The following CADM2 variants were observed in gnomAD, a reference collection of about 807,000 sequenced individuals.
CADM2 encodes the protein immunoglobulin superfamily member 4D.
A neutral mutation model predicts 49.8 loss-of-function variants in CADM2; 12 were observed. The ratio of observed to expected loss-of-function variants is 0.24; its 90% CI spans 0.15 to 0.39. The LOEUF is 0.39. Ranked by LOEUF, CADM2 falls within the 10% of genes least tolerant of loss-of-function variation. The pLI, the probability that CADM2 is intolerant of heterozygous loss-of-function variation, is 1.00. For missense variants in CADM2, 378 were observed against 492.3 expected, an observed-to-expected ratio of 0.77 and a Z score of 2.20; for synonymous variants, 214 against 175.4, an observed-to-expected ratio of 1.22 and a Z score of -1.74.
intron 1 of CADM2, among the ~76,000 whole-genome samples, chr3:85,252,746 A>G (rs1418135834): frequency 6.6e-6 from 1 of 151,956 alleles, no homozygotes; most frequent in Non-Finnish European, 1.5e-5. Flanking sequence ...CACTGGAGAT[A>G]ATTTTATAGC....
chr3:85,117,151 G>A (rs901378948), intron 1 of CADM2, among the ~76,000 whole-genome samples: 1 of 152,104 alleles, frequency 6.6e-6, no homozygotes, highest in African/African-American at 2.4e-5. Flanking sequence ...AACCCGGGAG[G>A]TGGAGGTTGC....
intron 1 of CADM2, among the ~76,000 whole-genome samples, chr3:85,488,348 T>A (rs2107641026): frequency 6.6e-6 from 1 of 152,220 alleles, no homozygotes; most frequent in South Asian, 2.1e-4. Flanking sequence ...AAATCTAGGT[T>A]ACAGATTTGA....
Position 85,040,959 on chromosome 3 carries a change from T to C in CADM2, c.61+81291T>C, listed in dbSNP as rs148135083. 3.0e-3 allele frequency among the ~76,000 whole-genome samples: 460 copies of C among 152,298 alleles called. 1 individual carries two copies. Among genetic ancestry groups the C allele is most frequent in the Non-Finnish European group, 5.0e-3 (339 of 68,018 alleles). Reference sequence around the variant, plus strand: ...AATATCAGATTTAAATACAGTATCATATTTTAATCTATTTTTGCCTTTGTC... The same window carrying C: ...AATATCAGATTTAAATACAGTATCACATTTTAATCTATTTTTGCCTTTGTC... On this transcript the variant is annotated intron_variant, in intron 1 of 9. Coordinates refer to ENST00000383699, the MANE Select transcript of CADM2 (RefSeq NM_001167675.2).
intron 1 of CADM2, among the ~76,000 whole-genome samples, chr3:85,304,056 A>G (rs1232037597): frequency 6.6e-6 from 1 of 151,890 alleles, no homozygotes; most frequent in Non-Finnish European, 1.5e-5. Context: ...TTAAAGACAC[A>G]AATATTAAGA....
chr3:85,364,000 AT>A (rs2032557198), intron 1 of CADM2, among the ~76,000 whole-genome samples: 1 of 152,184 alleles, frequency 6.6e-6, no homozygotes, highest in Non-Finnish European at 1.5e-5. Flanking sequence ...GCATTACCTT[AT>A]CATTATAATA....
intron 1 of CADM2, among the ~76,000 whole-genome samples, chr3:85,259,637 T>A (rs562669010): frequency 1.3e-5 from 2 of 152,250 alleles, no homozygotes; most frequent in East Asian, 3.9e-4. Flanking sequence ...TACATTGCTT[T>A]TGAGCAATTT....
At chr3:85,817,839 CTT>C (rs1195061427) in intron 3 of CADM2, among the ~76,000 whole-genome samples, 1 of 151,736 alleles carries the variant, frequency 6.6e-6, no homozygotes, top group Middle Eastern at 3.2e-3. Context: ...ACAAAAAAAC[CTT>C]CTTGAGGACA....
chr3:85,238,489 A>T (rs769134655), intron 1 of CADM2, among the ~76,000 whole-genome samples: 30 of 152,066 alleles, frequency 2.0e-4, no homozygotes, highest in Middle Eastern at 6.8e-3. Context: ...GAGGTTAGAA[A>T]AGTAAAGATA....
At chr3:85,367,965 T>G (rs368377469) in intron 1 of CADM2, among the ~76,000 whole-genome samples, 7 of 152,170 alleles carry the variant, frequency 4.6e-5, no homozygotes, top group African/African-American at 1.7e-4. Context: ...AGAATTGGAA[T>G]AGTATATTCT....
chr3:85,150,054 C>T (rs913739852), intron 1 of CADM2, among the ~76,000 whole-genome samples: 5 of 152,198 alleles, frequency 3.3e-5, no homozygotes, highest in African/African-American at 1.2e-4. Context: ...CTTAATTTCT[C>T]ACTTCAGTTG....
intron 1 of CADM2, among the ~76,000 whole-genome samples, chr3:85,354,618 CAGAGAGAG>C: frequency 7.7e-6 from 1 of 130,250 alleles, no homozygotes; most frequent in African/African-American, 2.8e-5. Flanking sequence ...GAATACCTAA[CAGAGAGAG>C]AGAGAGAGAG....
At chr3:85,328,178 A>C (rs571263970) in intron 1 of CADM2, among the ~76,000 whole-genome samples, 1 of 152,310 alleles carries the variant, frequency 6.6e-6, no homozygotes, top group Non-Finnish European at 1.5e-5. Context: ...TGAAACCCTT[A>C]GTGTTTAATA....
intron 1 of CADM2, among the ~76,000 whole-genome samples, chr3:85,193,577 C>T (rs1177813777): frequency 6.6e-6 from 1 of 151,996 alleles, no homozygotes; most frequent in Non-Finnish European, 1.5e-5. Flanking sequence ...GATCCTCACT[C>T]CTCACCCTCT....
chr3:85,732,000 C>T (rs1437672540), intron 2 of CADM2, among the ~76,000 whole-genome samples: 1 of 146,610 alleles, frequency 6.8e-6, no homozygotes, highest in Non-Finnish European at 1.5e-5. Flanking sequence ...GTGATCCCAG[C>T]AGTTTTGGAG....
intron 1 of CADM2, among the ~76,000 whole-genome samples, chr3:85,504,777 G>A (rs1275343433): frequency 6.6e-6 from 1 of 152,194 alleles, no homozygotes; most frequent in Admixed American, 6.5e-5. Flanking sequence ...CGGAGGGGGT[G>A]GGAGGCTCAG....
At chr3:85,571,443 C>T (rs559664900) in intron 1 of CADM2, among the ~76,000 whole-genome samples, 61 of 151,482 alleles carry the variant, frequency 4.0e-4, no homozygotes, top group Admixed American at 8.5e-4. Context: ...GCAGGCCACT[C>T]ATTTATGAAA....
rs1739420156 is a variant in CADM2 at position 86,067,111 on chromosome 3, T to G, written c.*328T>G. ...TGGTTTTTATACATTAAAAAATGTATGCAGAGTTTTTTTCCCCCATTTTTT... is the reference window on the plus strand; with the variant it reads ...TGGTTTTTATACATTAAAAAATGTAGGCAGAGTTTTTTTCCCCCATTTTTT... On this transcript the variant is annotated 3_prime_UTR_variant, in exon 10 of 10. Transcript: ENST00000383699. 1 of 204,134 alleles carries G rather than the reference T, an allele frequency of 4.9e-6. No individual in the cohort carries two copies. The highest frequency in any genetic ancestry group is 2.3e-5 in the African/African-American group (1 of 43,002). 12.6% of individuals were successfully genotyped at this position (204,134 alleles called of 1,614,324 possible). A position where few individuals can be genotyped will look rare whatever the true frequency, so the allele number is the denominator to read the frequency against.
At chr3:85,035,434 C>T (rs917172655) in intron 1 of CADM2, among the ~76,000 whole-genome samples, 1 of 152,120 alleles carries the variant, frequency 6.6e-6, no homozygotes, top group Non-Finnish European at 1.5e-5. Flanking sequence ...GATATTTACC[C>T]ATATGTCCAT....
intron 8 of CADM2, among the ~76,000 whole-genome samples, chr3:86,059,349 C>A (rs947404233): frequency 2.0e-5 from 3 of 152,050 alleles, no homozygotes; most frequent in Non-Finnish European, 4.4e-5. Context: ...ATTTTTCACT[C>A]GTAAATATTT....
Sources: gnomAD v4.1 joint callset for allele counts (sites outside exome capture counted in the v4.1 genomes callset) on GRCh38, gnomAD v4.1.1 for gene constraint, MANE v1.5 for transcripts, NCBI Gene and HGNC (gene_info 2026-07-23, HGNC 2026-07-21) for gene names.